The following RPRD2 variants were observed in gnomAD, a reference collection of about 807,000 sequenced individuals.
The protein encoded by RPRD2 is regulation of nuclear pre-mRNA domain containing 2.
RPRD2 carries 12 observed loss-of-function variants against 104.4 expected under a neutral mutation model. The observed-to-expected ratio is 0.11, with a 90% CI of 0.07 to 0.19. The LOEUF is 0.19. Among genes scored for constraint, RPRD2 ranks in the 10% least tolerant of loss-of-function variants. The pLI is 1.00. For synonymous variants in RPRD2, 714 were observed against 684.9 expected (o/e 1.04, Z -0.66); for missense variants, 1,543 against 1,790.1 (o/e 0.86, Z 2.49).
At chr1:150,370,123 G>A (rs587616763) in intron 1 of RPRD2, among the ~76,000 whole-genome samples, 2 of 151,952 alleles carry the variant, frequency 1.3e-5, no homozygotes, top group South Asian at 4.2e-4. Flanking sequence ...TTGCCATGTT[G>A]CCCAGGCTGA....
chr1:150,435,985 A>G (rs2102338390), intron 2 of RPRD2, among the ~76,000 whole-genome samples: 1 of 152,318 alleles, frequency 6.6e-6, no homozygotes, highest in Middle Eastern at 3.4e-3. Context: ...AATTCTGAAA[A>G]TCCTAGGGCT....
chr1:150,431,808 C>T (rs780952947), intron 2 of RPRD2, among the ~76,000 whole-genome samples: 5 of 151,854 alleles, frequency 3.3e-5, no homozygotes, highest in South Asian at 2.1e-4. Context: ...TAATACATGC[C>T]GCAGCATGGG....
At chr1:150,467,374 ATTTG>A (rs1668347208) in intron 10 of RPRD2, among the ~76,000 whole-genome samples, 1 of 151,650 alleles carries the variant, frequency 6.6e-6, no homozygotes, top group African/African-American at 2.4e-5. Context: ...TTTTATTTTT[ATTTG>A]TTTGTTTGTT....
intron 2 of RPRD2, among the ~76,000 whole-genome samples, chr1:150,439,998 C>T (rs11205375): frequency 0.6 from 90,877 of 151,636 alleles, 27,738 homozygotes; most frequent in African/African-American, 0.65. Flanking sequence ...AGGTCTTGCT[C>T]TGTGGCCCAG....
At chr1:150,427,518 G>A (rs1553890790) in intron 2 of RPRD2, among the ~76,000 whole-genome samples, 1 of 152,076 alleles carries the variant, frequency 6.6e-6, no homozygotes, top group Non-Finnish European at 1.5e-5. Flanking sequence ...AGGTAACTGG[G>A]TGTGGCGTGG....
chr1:150,398,877 A>T (rs1553884775), intron 1 of RPRD2, among the ~76,000 whole-genome samples: 4 of 152,050 alleles, frequency 2.6e-5, no homozygotes, highest in Non-Finnish European at 5.9e-5. Flanking sequence ...TAATTTCTTA[A>T]TTTTGATGAA....
chr1:150,415,539 T>G (rs1251232559), intron 1 of RPRD2, among the ~76,000 whole-genome samples: 1 of 147,544 alleles, frequency 6.8e-6, no homozygotes, highest in Non-Finnish European at 1.5e-5. Context: ...AAAAAAAAAT[T>G]AGCCAGGCAT....
Position 150,453,328 on chromosome 1 carries a change from G to A in RPRD2, c.871-3960G>A, listed in dbSNP as rs377600772. On this transcript the variant is annotated intron_variant, in intron 7 of 10. Coordinates refer to ENST00000369068, the MANE Select transcript of RPRD2 (RefSeq NM_015203.5). Reference sequence around the variant, plus strand: ...TTACAGGCGTGAGCCACCGCGCCTGGCCTCAGTGTTTTTACTTAATCAGTT... The same window carrying A: ...TTACAGGCGTGAGCCACCGCGCCTGACCTCAGTGTTTTTACTTAATCAGTT... Among the ~76,000 whole-genome samples the A allele has an allele frequency of 3.9e-5, 6 of 152,262 alleles. No individual in the cohort carries two copies. The East Asian group carries it at 9.6e-4, about 24-fold the overall frequency.
intron 10 of RPRD2, among the ~76,000 whole-genome samples, chr1:150,466,011 CAAAAAAAAAA>C (rs71578500): frequency 4.5e-4 from 31 of 69,262 alleles, no homozygotes; most frequent in African/African-American, 1.5e-3. Flanking sequence ...AGACTCAGTC[CAAAAAAAAAA>C]AAAAAAAAAA....
chr1:150,430,668 G>A (rs587617867), intron 2 of RPRD2, among the ~76,000 whole-genome samples: 5 of 152,268 alleles, frequency 3.3e-5, no homozygotes, highest in African/African-American at 1.2e-4. Context: ...GGTGGCTCAC[G>A]CCTGTCATCC....
intron 1 of RPRD2, among the ~76,000 whole-genome samples, chr1:150,377,547 G>A (rs587743822): frequency 2.0e-5 from 3 of 149,650 alleles, no homozygotes; most frequent in South Asian, 4.2e-4. Context: ...GCAGTGAGCC[G>A]AGATCGTACC....
rs1180619762 is a variant in RPRD2, at chr1:150,474,941, A to C, written c.*1607A>C. ...TCTCTCAGAATGAACTTTTCAGAGA[A>C]AGAGCAGCATAAACCAGGTGCACAT... On this transcript the variant is annotated 3_prime_UTR_variant, in exon 11 of 11. Transcript: ENST00000369068. The C allele has an allele frequency of 6.6e-6, 1 of 152,212 alleles. No homozygotes were observed. Among genetic ancestry groups the C allele is most frequent in the African/African-American group, 2.4e-5 (1 of 41,450 alleles). The allele number at this position is 152,212 out of a possible 1,614,324, so 9.4% of individuals were successfully genotyped here.
Position 150,474,912 on chromosome 1 carries a change from T to G in RPRD2, c.*1578T>G, listed in dbSNP as rs193010881. On this transcript the variant is annotated 3_prime_UTR_variant, in exon 11 of 11. Transcript: ENST00000369068. Reference sequence around the variant, plus strand: ...GGGTGGGCAATGTAGTGACAGAAAATGATTCTCTCAGAATGAACTTTTCAG... The same window carrying G: ...GGGTGGGCAATGTAGTGACAGAAAAGGATTCTCTCAGAATGAACTTTTCAG... 9.8e-4 allele frequency: 149 copies of G among 152,200 alleles called. No homozygotes were observed. The highest frequency in any genetic ancestry group is 3.6e-3 in the African/African-American group (149 of 41,500). 9.4% of individuals were successfully genotyped at this position (152,200 alleles called of 1,614,324 possible).
intron 1 of RPRD2, among the ~76,000 whole-genome samples, chr1:150,370,812 GCAGCCCAC>G (rs1349735976): frequency 6.6e-6 from 1 of 152,016 alleles, no homozygotes; most frequent in Non-Finnish European, 1.5e-5. Context: ...CTAAGCTCAA[GCAGCCCAC>G]CCTCCTTGGC....
At position 150,473,556 on chromosome 1, in the gene RPRD2, T is replaced by TAAAAAAAGA. The variant is rs1668742804; in HGVS notation, c.*229_*230insGAAAAAAAA. 1 of 98,120 alleles carries TAAAAAAAGA rather than the reference T, an allele frequency of 1.0e-5. No individual in the cohort carries two copies. The highest frequency in any genetic ancestry group is 4.6e-5 in the African/African-American group (1 of 21,712). The allele number at this position is 98,120 out of a possible 1,614,324, so 6.1% of individuals were successfully genotyped here. ...TCTACCTTCCCCAAGTTGTTTGTAT[T>TAAAAAAAGA]AAAAAAAAAAAAAAAAAAAAAAAGT... On this transcript the variant is annotated 3_prime_UTR_variant, in exon 11 of 11. Transcript: ENST00000369068.
At chr1:150,463,110 C>A (rs944220627) in intron 9 of RPRD2, among the ~76,000 whole-genome samples, 1 of 152,098 alleles carries the variant, frequency 6.6e-6, no homozygotes, top group Admixed American at 6.6e-5. Flanking sequence ...CCCATCTTGG[C>A]CTCCTAAAAT....
chr1:150,375,095 G>C (rs2102101042), intron 1 of RPRD2, among the ~76,000 whole-genome samples: 1 of 151,898 alleles, frequency 6.6e-6, no homozygotes, highest in East Asian at 1.9e-4. Context: ...TCGAAACATG[G>C]AACTGTCTTA....
intron 8 of RPRD2, among the ~76,000 whole-genome samples, chr1:150,459,637 G>T (rs1332808182): frequency 1.3e-5 from 2 of 149,074 alleles, no homozygotes; most frequent in African/African-American, 5.0e-5. Context: ...TTGTTGCCCA[G>T]GCTGGAATGC....
At chr1:150,469,240 C>G (rs1302154886) in intron 10 of RPRD2, among the ~76,000 whole-genome samples, 1 of 152,012 alleles carries the variant, frequency 6.6e-6, no homozygotes, top group Non-Finnish European at 1.5e-5. Flanking sequence ...TGACTAAAAG[C>G]TATAAATTTG....
Sources: allele counts gnomAD v4.1 joint callset (sites outside exome capture counted in the v4.1 genomes callset), GRCh38; gene constraint gnomAD v4.1.1; transcripts MANE v1.5; gene names NCBI Gene and HGNC (gene_info 2026-07-23, HGNC 2026-07-21).